Variants in FOXJ3 observed in about 807,000 individuals in gnomAD.
FOXJ3 encodes the protein forkhead box J3, also known as forkhead box protein J3.
In FOXJ3, 22 loss-of-function variants were observed where a neutral mutation model predicts 76.1. The ratio of observed to expected loss-of-function variants is 0.29; its 90% confidence interval spans 0.21 to 0.41. FOXJ3 has a LOEUF of 0.41. Among genes scored for constraint, FOXJ3 ranks in the 10% least tolerant of loss-of-function variants. The pLI is 1.00. For missense variants in FOXJ3, 613 were observed against 762.1 expected (o/e 0.80, Z 2.30); for synonymous variants, 269 against 261.2 (o/e 1.03, Z -0.29).
In FOXJ3 at chr1:42,205,758, T is replaced by A. The variant is rs1380165045; in HGVS notation, c.630+4A>T. 2 of 1,514,940 alleles carry A rather than the reference T, an allele frequency of 1.3e-6. No individual in the cohort carries two copies. The highest frequency in any genetic ancestry group is 3.4e-5 in the Admixed American group (2 of 59,490). The allele number at this position is 1,514,940 out of a possible 1,614,324, so 93.8% of individuals were successfully genotyped here. A position where few individuals can be genotyped will look rare whatever the true frequency, so the allele number is the denominator to read the frequency against. ...TTCAATAATGTTTAAAAAAATGAAA[T>A]TACTTTGTTAGTCACAGTGTTGATT... is the stretch of plus-strand genomic sequence containing the variant. On this transcript the variant is annotated splice_donor_region_variant and intron_variant, in intron 6 of 12. Coordinates refer to ENST00000361346, the MANE Select transcript of FOXJ3 (RefSeq NM_014947.5).
chr1:42,280,571 G>A (rs527470609), intron 2 of FOXJ3: 1 of 361,228 alleles, frequency 2.8e-6, no homozygotes, highest in East Asian at 1.7e-4. Context: ...ATCACACAAT[G>A]TCAAAACAGT....
intron 2 of FOXJ3, among the ~76,000 whole-genome samples, chr1:42,285,671 A>C (rs1409014566): frequency 6.6e-6 from 1 of 152,112 alleles, no homozygotes; most frequent in Admixed American, 6.6e-5. Context: ...GGACAAGGTA[A>C]GATTCCTTGA....
At chr1:42,307,544 T>C (rs1483809067) in intron 2 of FOXJ3, among the ~76,000 whole-genome samples, 1 of 152,246 alleles carries the variant, frequency 6.6e-6, no homozygotes, top group Non-Finnish European at 1.5e-5. Flanking sequence ...GTATTATCTC[T>C]GTTCAAATAC....
intron 11 of FOXJ3, among the ~76,000 whole-genome samples, chr1:42,185,261 T>TC (rs1240162281): frequency 7.0e-6 from 1 of 142,670 alleles, no homozygotes; most frequent in African/African-American, 2.7e-5. Context: ...AATTTTTTTT[T>TC]TTTTTTTTTT....
intron 5 of FOXJ3, among the ~76,000 whole-genome samples, chr1:42,217,849 C>T (rs377742999): frequency 2.6e-5 from 4 of 152,118 alleles, no homozygotes; most frequent in African/African-American, 4.8e-5. Context: ...ACTTTAAATA[C>T]GCAGTTAACT....
intron 4 of FOXJ3, among the ~76,000 whole-genome samples, chr1:42,231,834 G>C (rs1648152100): frequency 6.6e-6 from 1 of 152,062 alleles, no homozygotes; most frequent in Admixed American, 6.5e-5. Flanking sequence ...TAAGTTTTAG[G>C]GGACATGTGC....
intron 1 of FOXJ3, among the ~76,000 whole-genome samples, chr1:42,319,753 T>C (rs997535134): frequency 1.3e-5 from 2 of 152,190 alleles, no homozygotes; most frequent in African/African-American, 4.8e-5. Context: ...TTCCTGCTGC[T>C]TCTCTCACTA....
chr1:42,185,503 G>A (rs752162955), intron 11 of FOXJ3, among the ~76,000 whole-genome samples: 6 of 151,622 alleles, frequency 4.0e-5, no homozygotes, highest in African/African-American at 7.3e-5. Flanking sequence ...CTCATGATCC[G>A]CCTGCCTCGG....
At chr1:42,212,948 T>G (rs1646991578) in intron 5 of FOXJ3, among the ~76,000 whole-genome samples, 1 of 130,642 alleles carries the variant, frequency 7.7e-6, no homozygotes, top group Non-Finnish European at 1.6e-5. Flanking sequence ...CCAAGAATTT[T>G]GTATCTAGCA....
chr1:42,222,648 T>A (rs988230308), intron 5 of FOXJ3, among the ~76,000 whole-genome samples: 2 of 152,216 alleles, frequency 1.3e-5, no homozygotes, highest in East Asian at 3.8e-4. Flanking sequence ...AATTAACTAC[T>A]GTGTTCCCAC....
intron 2 of FOXJ3, among the ~76,000 whole-genome samples, chr1:42,287,953 G>A (rs921438097): frequency 6.6e-6 from 1 of 152,062 alleles, no homozygotes; most frequent in African/African-American, 2.4e-5. Flanking sequence ...GCAACAGAAT[G>A]AGACCCTGTC....
chr1:42,295,425 T>C (rs1284259004), intron 2 of FOXJ3, among the ~76,000 whole-genome samples: 4 of 152,150 alleles, frequency 2.6e-5, no homozygotes, highest in Non-Finnish European at 5.9e-5. Context: ...ATGGTATCTG[T>C]ATACTACACT....
In FOXJ3 at chr1:42,185,920, G is replaced by A. The variant is rs796992656; in HGVS notation, c.1645+2817C>T. Among the ~76,000 whole-genome samples, 17 of 152,232 alleles carry A rather than the reference G, an allele frequency of 1.1e-4. No individual in the cohort carries two copies. The South Asian group carries it at 3.3e-3, about 30-fold the overall frequency. On this transcript the variant is annotated intron_variant, in intron 11 of 12. Transcript: ENST00000361346. ...GGGTCCTTGAAGACAGGAATGACAG[G>A]AAAGGTTTAAGGAAATGGAGAGACT... is the stretch of plus-strand genomic sequence containing the variant.
intron 1 of FOXJ3, among the ~76,000 whole-genome samples, chr1:42,322,203 T>C (rs1255658746): frequency 3.3e-5 from 5 of 151,998 alleles, no homozygotes; most frequent in Non-Finnish European, 5.9e-5. Context: ...ATTTAAGAAA[T>C]ATAACAACCA....
intron 2 of FOXJ3, among the ~76,000 whole-genome samples, chr1:42,283,347 G>A (rs1310389901): frequency 1.3e-5 from 2 of 152,150 alleles, no homozygotes; most frequent in Non-Finnish European, 2.9e-5. Flanking sequence ...TCAAAACTGA[G>A]TCATAACACG....
intron 11 of FOXJ3, among the ~76,000 whole-genome samples, chr1:42,186,909 G>C (rs1167448415): frequency 6.6e-6 from 1 of 152,090 alleles, no homozygotes; most frequent in East Asian, 1.9e-4. Flanking sequence ...GTGCACTGGT[G>C]TGATCTCGGC....
At chr1:42,225,360 T>G (rs1388837260) in intron 5 of FOXJ3, among the ~76,000 whole-genome samples, 2 of 152,168 alleles carry the variant, frequency 1.3e-5, no homozygotes, top group Non-Finnish European at 2.9e-5. Flanking sequence ...CAATGGTTAC[T>G]TAAAATATAA....
rs779512262 is a variant in FOXJ3, at chr1:42,265,165, A to G, written c.394T>C (p.Leu132=). 7 of 1,598,202 alleles carry G rather than the reference A, an allele frequency of 4.4e-6. No homozygotes were observed. The Admixed American group carries it at 1.2e-4, about 27-fold the overall frequency. Residue 132 remains leucine (L), a synonymous_variant, in exon 4 of 13, where the codon TTG becomes CTG. Transcript: ENST00000361346. ...GGCACTTTAAGGAAACATTTGTTCA[A>G]TGACAGATTATGTCGTATGGAATTC... is the stretch of plus-strand genomic sequence containing the variant. ...WKNSIRHNLS[L]NKCFLKVPRS...
chr1:42,272,199 T>G (rs577322208), intron 3 of FOXJ3, among the ~76,000 whole-genome samples: 163 of 152,308 alleles, frequency 1.1e-3, no homozygotes, highest in Middle Eastern at 0.01. Context: ...TCTCCAAACC[T>G]CTCTTCAACC....
Sources: allele counts gnomAD v4.1 joint callset (sites outside exome capture counted in the v4.1 genomes callset), GRCh38; gene constraint gnomAD v4.1.1; transcripts MANE v1.5; gene names NCBI Gene and HGNC (gene_info 2026-07-23, HGNC 2026-07-21).